IKBKB-DT: variants seen among roughly 807,000 people sequenced by gnomAD.
The protein encoded by IKBKB-DT is IKBKB divergent transcript, also known as IKBKB antisense RNA.
intron 3 of IKBKB-DT, among the ~76,000 whole-genome samples, chr8:42,248,037 G>A (rs1179221282): frequency 6.6e-6 from 1 of 151,184 alleles, no homozygotes; most frequent in Non-Finnish European, 1.5e-5. Context: ...AGGTTGTAGT[G>A]AGCTGAGATC....
At chr8:42,244,162 G>A (rs1563275094) in intron 3 of IKBKB-DT, among the ~76,000 whole-genome samples, 1 of 152,170 alleles carries the variant, frequency 6.6e-6, no homozygotes, top group Admixed American at 6.5e-5. Context: ...GCCATGCTTT[G>A]AGGTCATCCA....
At chr8:42,268,567 G>C (rs187469508) in intron 1 of IKBKB-DT, among the ~76,000 whole-genome samples, 2 of 151,496 alleles carry the variant, frequency 1.3e-5, no homozygotes, top group Non-Finnish European at 2.9e-5. Context: ...CACCACACCC[G>C]GCCAAATTTT....
Position 42,267,206 on chromosome 8 carries a change from G to A in IKBKB-DT, n.604-810C>T, listed in dbSNP as rs1016776031. ...TTTTTAGTAGAGACGGGGTTTCACC[G>A]TGTTAGCCAGGATGGTCTCCATCTC... is the stretch of plus-strand genomic sequence containing the variant. On this transcript the variant is annotated intron_variant and non_coding_transcript_variant, in intron 1 of 3. Transcript: ENST00000518213. 5.3e-5 allele frequency among the ~76,000 whole-genome samples: 8 copies of A among 151,948 alleles called. 1 individual carries two copies. In the East Asian group the frequency reaches 5.8e-4, roughly 11 times the overall value.
At chr8:42,251,851 A>G (rs10087414) in intron 3 of IKBKB-DT, among the ~76,000 whole-genome samples, 1,579 of 151,930 alleles carry the variant, frequency 0.01, 38 homozygotes, top group African/African-American at 0.036. Flanking sequence ...AAAGAAAAGA[A>G]AAGAAAAGTA....
intron 3 of IKBKB-DT, among the ~76,000 whole-genome samples, chr8:42,253,750 C>G (rs1236248007): frequency 2.6e-5 from 4 of 152,198 alleles, no homozygotes; most frequent in Admixed American, 2.6e-4. Context: ...CACTCGCCAG[C>G]AGTTTTGCCA....
intron 3 of IKBKB-DT, among the ~76,000 whole-genome samples, chr8:42,243,727 TAGTG>T (rs1807031543): frequency 1.3e-5 from 2 of 152,180 alleles, no homozygotes; most frequent in Non-Finnish European, 2.9e-5. Flanking sequence ...TTGTAACCGG[TAGTG>T]AGTAAGGTCA....
intron 1 of IKBKB-DT, among the ~76,000 whole-genome samples, chr8:42,267,434 C>A (rs1807391316): frequency 6.6e-6 from 1 of 152,172 alleles, no homozygotes; most frequent in South Asian, 2.1e-4. Flanking sequence ...GTACTAATTA[C>A]TGCAGAACAA....
intron 3 of IKBKB-DT, among the ~76,000 whole-genome samples, chr8:42,255,752 A>T (rs751801709): frequency 2.0e-5 from 3 of 152,168 alleles, no homozygotes; most frequent in Non-Finnish European, 4.4e-5. Flanking sequence ...AGTGCCAAGC[A>T]TGGTGGCTCA....
At chr8:42,235,570 G>C (rs1308939644) in intron 3 of IKBKB-DT, among the ~76,000 whole-genome samples, 1 of 151,966 alleles carries the variant, frequency 6.6e-6, no homozygotes, top group Non-Finnish European at 1.5e-5. Context: ...CCCCACCCAG[G>C]AACTGACACA....
chr8:42,235,743 C>T (rs965657111), intron 3 of IKBKB-DT, among the ~76,000 whole-genome samples: 1 of 152,184 alleles, frequency 6.6e-6, no homozygotes, highest in Non-Finnish European at 1.5e-5. Flanking sequence ...TCCCACGTGG[C>T]ATGGCCAGCG....
At chr8:42,235,572 A>C (rs182934149) in intron 3 of IKBKB-DT, among the ~76,000 whole-genome samples, 2 of 152,252 alleles carry the variant, frequency 1.3e-5, no homozygotes, top group Admixed American at 1.3e-4. Flanking sequence ...CCACCCAGGA[A>C]CTGACACAGC....
intron 2 of IKBKB-DT, among the ~76,000 whole-genome samples, chr8:42,263,957 G>A (rs1407550682): frequency 5.9e-5 from 9 of 151,848 alleles, no homozygotes; most frequent in African/African-American, 1.7e-4. Context: ...GATTACAGGC[G>A]CCCACCACTA....
intron 3 of IKBKB-DT, among the ~76,000 whole-genome samples, chr8:42,243,970 G>A (rs1807033495): frequency 1.3e-5 from 2 of 152,178 alleles, no homozygotes; most frequent in South Asian, 4.1e-4. Context: ...TTAATCTACT[G>A]CTGCCCCATT....
intron 3 of IKBKB-DT, among the ~76,000 whole-genome samples, chr8:42,239,861 A>G (rs1018774166): frequency 6.6e-6 from 1 of 150,922 alleles, no homozygotes; most frequent in African/African-American, 2.4e-5. Context: ...CTGGTCTCGA[A>G]CTCCTGACCT....
chr8:42,242,930 C>T (rs528630772), intron 3 of IKBKB-DT, among the ~76,000 whole-genome samples: 1 of 152,336 alleles, frequency 6.6e-6, no homozygotes, highest in Admixed American at 6.5e-5. Context: ...CTGTCAGTTG[C>T]TACTTGCAGA....
intron 3 of IKBKB-DT, among the ~76,000 whole-genome samples, chr8:42,248,127 C>T (rs1807084939): frequency 6.6e-6 from 1 of 152,008 alleles, no homozygotes; most frequent in African/African-American, 2.4e-5. Context: ...TCTTCTTCTC[C>T]TTCCACCAGT....
At chr8:42,265,810 C>T (rs1445111696) in exon 2 of IKBKB-DT, 1 of 152,222 alleles carries the variant, frequency 6.6e-6, no homozygotes, top group Non-Finnish European at 1.5e-5. Context: ...GAGGGTGACT[C>T]AGAGCCCCAA....
intron 3 of IKBKB-DT, chr8:42,249,417 ATGTGTGTGTG>A (rs35004589): frequency 3.1e-5 from 4 of 129,728 alleles, no homozygotes; most frequent in Non-Finnish European, 6.2e-5. Context: ...ATGTATATAT[ATGTGTGTGTG>A]TGTGTGTGTG....
chr8:42,263,193 A>T (rs1452400038), intron 3 of IKBKB-DT: 1 of 151,464 alleles, frequency 6.6e-6, no homozygotes, highest in African/African-American at 2.4e-5. Flanking sequence ...TTGTATTTTT[A>T]GTAGAGACAG....
Sources: gnomAD v4.1 joint callset for allele counts (sites outside exome capture counted in the v4.1 genomes callset) on GRCh38, gnomAD v4.1.1 for gene constraint, MANE v1.5 for transcripts, NCBI Gene and HGNC (gene_info 2026-07-23, HGNC 2026-07-21) for gene names.